PALM2AKAP2: variants seen among roughly 807,000 people sequenced by gnomAD.
The protein encoded by PALM2AKAP2 is PALM2 and AKAP2 fusion.
Under a neutral mutation model 71.5 loss-of-function variants are expected in PALM2AKAP2, and 37 were observed. That is an observed-to-expected ratio of 0.52 (90% CI 0.40 to 0.68). The LOEUF (loss-of-function observed/expected upper bound fraction) is 0.68, where lower values mean the gene tolerates loss of function less well. PALM2AKAP2 is among the 30% of genes least tolerant of loss of function. PALM2AKAP2 has a pLI of 0.00. For missense variants in PALM2AKAP2, 1,224 were observed against 1,191.8 expected (o/e 1.03, Z -0.40); for synonymous variants, 468 against 478.8 (o/e 0.98, Z 0.29).
At chr9:110,061,884 G>A (rs1334113334) in intron 1 of PALM2AKAP2, among the ~76,000 whole-genome samples, 3 of 108,918 alleles carry the variant, frequency 2.8e-5, no homozygotes, top group Non-Finnish European at 5.9e-5. Context: ...CAGACACAAG[G>A]GTTTAGGGCA....
chr9:110,159,129 G>A (rs1247521834), intron 3 of PALM2AKAP2, among the ~76,000 whole-genome samples: 1 of 152,178 alleles, frequency 6.6e-6, no homozygotes, highest in Non-Finnish European at 1.5e-5. Flanking sequence ...TAGTAATAGA[G>A]AGCAGATGGA....
chr9:109,726,560 T>A (rs1371884854), intron 1 of PALM2AKAP2, among the ~76,000 whole-genome samples: 1 of 152,212 alleles, frequency 6.6e-6, no homozygotes, highest in Admixed American at 6.5e-5. Flanking sequence ...CTTTCCTGCT[T>A]AAATTAAATG....
At chr9:109,961,288 C>T (rs1831847138) in intron 6 of PALM2AKAP2, among the ~76,000 whole-genome samples, 1 of 152,230 alleles carries the variant, frequency 6.6e-6, no homozygotes, top group South Asian at 2.1e-4. Flanking sequence ...AGACTATGGA[C>T]TTGACTTCTA....
At chr9:109,879,732 T>G (rs1433570495) in intron 2 of PALM2AKAP2, among the ~76,000 whole-genome samples, 1 of 151,114 alleles carries the variant, frequency 6.6e-6, no homozygotes, top group East Asian at 1.9e-4. Context: ...GGTCTCGTTC[T>G]ATCACCCAGG....
intron 1 of PALM2AKAP2, among the ~76,000 whole-genome samples, chr9:110,086,728 A>C (rs1479659149): frequency 6.6e-6 from 1 of 152,214 alleles, no homozygotes; most frequent in Non-Finnish European, 1.5e-5. Context: ...AGTATTTTCC[A>C]TCCCTGTCCT....
intron 1 of PALM2AKAP2, among the ~76,000 whole-genome samples, chr9:109,738,790 G>T (rs1370770089): frequency 3.3e-5 from 5 of 152,154 alleles, no homozygotes; most frequent in African/African-American, 9.7e-5. Flanking sequence ...CCCAAAAACT[G>T]GGATTTGAAT....
At chr9:109,743,572 G>A (rs1828751347) in intron 1 of PALM2AKAP2, among the ~76,000 whole-genome samples, 1 of 152,200 alleles carries the variant, frequency 6.6e-6, no homozygotes, top group South Asian at 2.1e-4. Flanking sequence ...GAAGAAGTAA[G>A]TTATAGGAAA....
chr9:109,843,830 C>T (rs962921476), intron 1 of PALM2AKAP2, among the ~76,000 whole-genome samples: 5 of 152,142 alleles, frequency 3.3e-5, no homozygotes, highest in African/African-American at 4.8e-5. Flanking sequence ...TGTAGGAGCC[C>T]GGACGAGGCC....
exon 2 of PALM2AKAP2, chr9:110,137,734 C>T (rs1213381261): frequency 1.9e-6 from 3 of 1,614,048 alleles, no homozygotes; most frequent in East Asian, 2.2e-5. Context: ...GCATGGACAA[C>T]ATCAGTGACA....
At chr9:109,851,411 C>T (rs924330109) in intron 1 of PALM2AKAP2, among the ~76,000 whole-genome samples, 4 of 152,044 alleles carry the variant, frequency 2.6e-5, no homozygotes, top group African/African-American at 9.7e-5. Context: ...ATGTTAAGAA[C>T]TGGATGAGAT....
chr9:110,096,431 A>ATTTATTTATTTATTTATTTATTTC (rs1834840100), intron 1 of PALM2AKAP2, among the ~76,000 whole-genome samples: 1 of 151,518 alleles, frequency 6.6e-6, no homozygotes, highest in African/African-American at 2.4e-5. Flanking sequence ...GCCTGAATTT[A>ATTTATTTATTTATTTATTTATTTC]TTTATTTATT....
intron 1 of PALM2AKAP2, among the ~76,000 whole-genome samples, chr9:109,838,577 A>G (rs1044516105): frequency 3.3e-5 from 5 of 152,230 alleles, no homozygotes; most frequent in Admixed American, 6.5e-5. Flanking sequence ...CAAAAAATCA[A>G]TGAATCCAGG....
intron 1 of PALM2AKAP2, among the ~76,000 whole-genome samples, chr9:109,816,100 C>T (rs1827844586): frequency 6.6e-6 from 1 of 152,180 alleles, no homozygotes; most frequent in Non-Finnish European, 1.5e-5. Flanking sequence ...GGAACATGTA[C>T]AAAGATCCCT....
chr9:109,692,042 T>G (rs1827905044), intron 1 of PALM2AKAP2, among the ~76,000 whole-genome samples: 1 of 149,048 alleles, frequency 6.7e-6, no homozygotes, highest in Non-Finnish European at 1.5e-5. Context: ...ATAATTTAGT[T>G]AAATTTATCT....
intron 3 of PALM2AKAP2, among the ~76,000 whole-genome samples, chr9:109,888,609 C>T (rs1283597086): frequency 6.7e-6 from 1 of 148,912 alleles, no homozygotes; most frequent in Non-Finnish European, 1.5e-5. Context: ...ACTCAGGAGG[C>T]TGAGGCAGGA....
At chr9:110,046,227 G>GT (rs566822822), upstream of PALM2AKAP2, among the ~76,000 whole-genome samples, 53 of 152,224 alleles carry the variant, frequency 3.5e-4, no homozygotes, top group African/African-American at 1.2e-3. Context: ...TGAGCATCTG[G>GT]TATGTACCAA....
chr9:109,658,449 G>A (rs1006377452), intron 1 of PALM2AKAP2, among the ~76,000 whole-genome samples: 1 of 152,110 alleles, frequency 6.6e-6, no homozygotes, highest in Non-Finnish European at 1.5e-5. Context: ...TAAATAATAT[G>A]TTCATGTCTC....
At chr9:109,778,579 C>A (rs1829381654), upstream of PALM2AKAP2, among the ~76,000 whole-genome samples, 1 of 152,202 alleles carries the variant, frequency 6.6e-6, no homozygotes, top group African/African-American at 2.4e-5. Flanking sequence ...TCAGCTCCAC[C>A]TACACTTGTT....
chr9:109,751,885 G>T (rs1258555980), intron 1 of PALM2AKAP2, among the ~76,000 whole-genome samples: 3 of 152,140 alleles, frequency 2.0e-5, no homozygotes, highest in Non-Finnish European at 4.4e-5. Context: ...CTATTCCCAA[G>T]GATACCCTTT....
Sources: gnomAD v4.1 joint callset for allele counts (sites outside exome capture counted in the v4.1 genomes callset) on GRCh38, gnomAD v4.1.1 for gene constraint, MANE v1.5 for transcripts, NCBI Gene and HGNC (gene_info 2026-07-23, HGNC 2026-07-21) for gene names.